UNC79: variants seen among roughly 807,000 people sequenced by gnomAD.
UNC79 encodes unc-79 subunit of NALCN channel complex.
A neutral mutation model predicts 283.1 loss-of-function variants in UNC79; 37 were observed. That is an observed-to-expected ratio of 0.13 (90% CI 0.10 to 0.17). UNC79 has a LOEUF of 0.17. Ranked by LOEUF, UNC79 falls within the 10% of genes least tolerant of loss-of-function variation. The pLI is 1.00. For missense variants in UNC79, 2,272 were observed against 3,211.1 expected, an observed-to-expected ratio of 0.71 and a Z score of 7.07; for synonymous variants, 1,107 against 1,200.2, an observed-to-expected ratio of 0.92 and a Z score of 1.61.
At chr14:93,515,819 G>A (rs972341023) in intron 7 of UNC79, among the ~76,000 whole-genome samples, 3 of 151,920 alleles carry the variant, frequency 2.0e-5, no homozygotes, top group Non-Finnish European at 4.4e-5. Context: ...CTCTCATTCA[G>A]GGGCTTCCCT....
At position 93,474,323 on chromosome 14, in the gene UNC79, C is replaced by T. The variant is rs1191856297; in HGVS notation, c.378C>T (p.Asp126=). The T allele has an allele frequency of 6.5e-7, 1 of 1,536,090 alleles. No individual in the cohort carries two copies. Among genetic ancestry groups the T allele is most frequent in the Non-Finnish European group, 8.7e-7 (1 of 1,146,872 alleles). ...AGTTGTCAGACTACCCTTCTTTGGA[C>T]TACCAAGGCCTCTACGTGACTTTGG... The change falls in exon 3 of 49, where the codon GAC becomes GAT. Residue 126 remains aspartate (D), a synonymous_variant. Coordinates refer to ENST00000555664, the Ensembl canonical transcript of UNC79. The surrounding 1 kb of genome is among the most constrained non-coding windows in gnomAD (Gnocchi z 4.1).
chr14:93,663,150 A>G (rs2071782883), intron 40 of UNC79, among the ~76,000 whole-genome samples: 1 of 152,188 alleles, frequency 6.6e-6, no homozygotes, highest in Non-Finnish European at 1.5e-5. Flanking sequence ...CTTAATTCTC[A>G]TCATTTGTCT....
At chr14:93,412,866 C>T (rs1490990281) in intron 1 of UNC79, among the ~76,000 whole-genome samples, 1 of 151,950 alleles carries the variant, frequency 6.6e-6, no homozygotes, top group Non-Finnish European at 1.5e-5. Flanking sequence ...CAACACCAGA[C>T]CTGTCCTACA....
At position 93,501,426 on chromosome 14, in the gene UNC79, A is replaced by G. The variant is rs1172701566; in HGVS notation, c.898+4140A>G. On this transcript the variant is annotated intron_variant, in intron 7 of 48. Coordinates refer to ENST00000555664, the Ensembl canonical transcript of UNC79. ...TAACATGTGGCCAGCGCAGTGGCTC[A>G]CGCCTGTAATCCCAGCACTTTGGGA... is the stretch of plus-strand genomic sequence containing the variant. 1.8e-4 allele frequency among the ~76,000 whole-genome samples: 27 copies of G among 152,170 alleles called. 1 individual carries two copies. The highest frequency in any genetic ancestry group is 1.8e-3 in the Admixed American group (27 of 15,278).
At chr14:93,662,626 A>T in exon 40 of UNC79, 1 of 1,608,250 alleles carries the variant, frequency 6.2e-7, no homozygotes, top group Non-Finnish European at 8.5e-7. Flanking sequence ...CCATTTTCAA[A>T]ACTGCTCAGC....
In UNC79 at chr14:93,453,648, G is replaced by A. The variant is rs913045944; in HGVS notation, c.23-14023G>A. ...AGTCGCTCTTTCAGTGGGATAGGAA[G>A]TACTTAAAATTTGGCCTCAGATTCT... On this transcript the variant is annotated intron_variant, in intron 1 of 48. Transcript: ENST00000555664. 7.9e-5 allele frequency among the ~76,000 whole-genome samples: 12 copies of A among 152,214 alleles called. No individual in the cohort carries two copies. The South Asian group carries it at 2.1e-3, about 26-fold the overall frequency.
At chr14:93,380,030 C>G (rs1020475801) in intron 1 of UNC79, among the ~76,000 whole-genome samples, 4 of 152,086 alleles carry the variant, frequency 2.6e-5, no homozygotes, top group Admixed American at 2.0e-4. Flanking sequence ...GGGAAAATTA[C>G]TTCACTTCTC....
intron 19 of UNC79, among the ~76,000 whole-genome samples, chr14:93,580,591 G>A (rs536661118): frequency 6.6e-6 from 1 of 152,346 alleles, no homozygotes; most frequent in South Asian, 2.1e-4. Context: ...CTATTAAGTG[G>A]CTTGAGTGAG....
chr14:93,608,201 A>G (rs2066023537), intron 26 of UNC79, among the ~76,000 whole-genome samples: 1 of 152,182 alleles, frequency 6.6e-6, no homozygotes, highest in African/African-American at 2.4e-5. Flanking sequence ...AGGAAATACG[A>G]AGAATACAAA....
intron 1 of UNC79, chr14:93,347,411 C>A: frequency 6.7e-7 from 1 of 1,486,622 alleles, no homozygotes. Flanking sequence ...TGAGGCCCAG[C>A]CATCATGGTG....
At chr14:93,585,316 G>A (rs575814900) in intron 20 of UNC79, among the ~76,000 whole-genome samples, 2 of 152,332 alleles carry the variant, frequency 1.3e-5, no homozygotes, top group South Asian at 4.1e-4. Flanking sequence ...TTCAGGCAGT[G>A]ATCTGGAGCT....
chr14:93,471,514 GAATTT>G (rs2057505570), intron 2 of UNC79, among the ~76,000 whole-genome samples: 4 of 151,828 alleles, frequency 2.6e-5, no homozygotes, highest in African/African-American at 9.7e-5. Flanking sequence ...CTGTGGGAAA[GAATTT>G]CAGGTGGGGA....
At chr14:93,532,303 CAAAAAA>C (rs5810632) in intron 10 of UNC79, among the ~76,000 whole-genome samples, 4 of 127,596 alleles carry the variant, frequency 3.1e-5, no homozygotes, top group African/African-American at 1.2e-4. Context: ...CCCATGTCTA[CAAAAAA>C]AAAAAAAAAA....
chr14:93,507,302 C>G (rs911066872), intron 7 of UNC79, among the ~76,000 whole-genome samples: 3 of 152,172 alleles, frequency 2.0e-5, no homozygotes, highest in Non-Finnish European at 4.4e-5. Flanking sequence ...TAAGAAGTAT[C>G]TAAACAGTTT....
At chr14:93,457,416 T>C (rs1191182046) in intron 1 of UNC79, among the ~76,000 whole-genome samples, 1 of 152,206 alleles carries the variant, frequency 6.6e-6, no homozygotes, top group Non-Finnish European at 1.5e-5. Context: ...AGTTACCTAC[T>C]GGGGAAATGG....
rs2074427457 is a variant in UNC79 at position 93,688,519 on chromosome 14, TG to T, written c.6910-143del. Reference sequence around the variant, plus strand: ...TTCCCTCCTTTTATCCTAAGAACAATGGGAAGGCTCTGAAGAAGTTTAAGCA... The same window carrying T: ...TTCCCTCCTTTTATCCTAAGAACAATGGAAGGCTCTGAAGAAGTTTAAGCA... On this transcript the variant is annotated intron_variant, in intron 43 of 48. Transcript: ENST00000555664. This position sits in a 1 kb window ranked among gnomAD's most constrained non-coding sequence, Gnocchi z 4.0. 1.3e-5 allele frequency: 11 copies of T among 852,674 alleles called. No homozygotes were observed. In the East Asian group the frequency reaches 2.7e-4, roughly 21 times the overall value. 52.8% of individuals were successfully genotyped at this position (852,674 alleles called of 1,614,324 possible).
intron 1 of UNC79, among the ~76,000 whole-genome samples, chr14:93,423,062 C>CAAAAAAAAAAAAAAA (rs71129634): frequency 5.2e-5 from 4 of 77,294 alleles, no homozygotes; most frequent in African/African-American, 2.2e-4. Context: ...GACTCTGTCT[C>CAAAAAAAAAAAAAAA]AAAAAAAAAA....
At position 93,688,629 on chromosome 14, in the gene UNC79, T is replaced by G. The variant is rs2074438474; in HGVS notation, c.6910-36T>G. 1.3e-6 allele frequency: 2 copies of G among 1,598,810 alleles called. No homozygotes were observed. The highest frequency in any genetic ancestry group is 1.7e-6 in the Non-Finnish European group (2 of 1,170,878). On this transcript the variant is annotated intron_variant, in intron 43 of 48. Transcript: ENST00000555664. This position sits in a 1 kb window ranked among gnomAD's most constrained non-coding sequence, Gnocchi z 4.0. ...GAATGGCCTGGAATGAATCCAGGTG[T>G]CTGCCAGAGTTACAAAATACCATTC...
intron 41 of UNC79, among the ~76,000 whole-genome samples, chr14:93,675,425 T>A (rs184689096): frequency 2.6e-5 from 4 of 152,206 alleles, no homozygotes; most frequent in Admixed American, 2.0e-4. Context: ...TTCCAGGAGT[T>A]TACAATTTAG....
Sources: gnomAD v4.1 joint callset for allele counts (sites outside exome capture counted in the v4.1 genomes callset) on GRCh38, gnomAD v4.1.1 for gene constraint, Gnocchi (gnomAD v3.1) non-coding constraint, MANE v1.5 for transcripts, NCBI Gene and HGNC (gene_info 2026-07-23, HGNC 2026-07-21) for gene names.